Variants in BICRAL observed in about 807,000 individuals in gnomAD.
BICRAL encodes the protein BRD4-interacting chromatin-remodeling complex-associated protein-like.
In BICRAL, 8 loss-of-function variants were observed where a neutral mutation model predicts 91.8. That is an observed-to-expected ratio of 0.09 (90% CI 0.05 to 0.16). The LOEUF is 0.16. Ranked by LOEUF, BICRAL falls within the 10% of genes least tolerant of loss-of-function variation. BICRAL has a pLI of 1.00. For missense variants in BICRAL, 1,038 were observed against 1,310.9 expected (o/e 0.79, Z 3.21); for synonymous variants, 445 against 491.1 (o/e 0.91, Z 1.24).
chr6:42,864,463 G>A (rs978326348), intron 12 of BICRAL, among the ~76,000 whole-genome samples, 196 bp from the exon 13 acceptor site: 1 of 152,176 alleles, frequency 6.6e-6, no homozygotes, highest in Non-Finnish European at 1.5e-5. Context: ...TGAAGCTGGG[G>A]CTCCACAGCC....
intron 5 of BICRAL, among the ~76,000 whole-genome samples, chr6:42,824,268 A>G (rs892006433): frequency 1.6e-4 from 24 of 152,034 alleles, no homozygotes; most frequent in Non-Finnish European, 2.9e-4. Context: ...ATAAATAATA[A>G]AAAGACAAAC....
At chr6:42,846,052 A>C in intron 6 of BICRAL, among the ~76,000 whole-genome samples, 1 of 119,780 alleles carries the variant, frequency 8.3e-6, no homozygotes, top group African/African-American at 3.4e-5. Context: ...ATAGAGTGAG[A>C]CTCCATCTCA....
chr6:42,777,630 C>T (rs568882953), upstream of BICRAL, among the ~76,000 whole-genome samples: 30 of 152,286 alleles, frequency 2.0e-4, no homozygotes, highest in Admixed American at 5.2e-4. Flanking sequence ...CATTTTCATT[C>T]TCCACTTCTG....
chr6:42,804,627 T>C (rs2113905045), intron 1 of BICRAL, among the ~76,000 whole-genome samples: 2 of 152,150 alleles, frequency 1.3e-5, no homozygotes, highest in South Asian at 4.2e-4. Context: ...AACTGATAAG[T>C]TTTGGGGACA....
At position 42,801,992 on chromosome 6, in the gene BICRAL, A is replaced by T. The variant is rs187421107; in HGVS notation, c.-101-8314A>T. Among the ~76,000 whole-genome samples the T allele has an allele frequency of 2.0e-5, 3 of 152,262 alleles. No homozygotes were observed. The East Asian group carries it at 5.8e-4, about 29-fold the overall frequency. Reference sequence around the variant, plus strand: ...ATTTTGTTTAATAAAATATATCATAATGCTGGGCATGGTGACTCATACCTA... The same window carrying T: ...ATTTTGTTTAATAAAATATATCATATTGCTGGGCATGGTGACTCATACCTA... On this transcript the variant is annotated intron_variant, in intron 1 of 12. Transcript: ENST00000314073.
At chr6:42,843,691 G>T (rs925945338) in intron 6 of BICRAL, among the ~76,000 whole-genome samples, 2 of 152,036 alleles carry the variant, frequency 1.3e-5, no homozygotes, top group Non-Finnish European at 2.9e-5. Flanking sequence ...TGTTCGTCAA[G>T]TTTGAGGTAC....
chr6:42,747,296 G>A (rs1484998663), intron 1 of BICRAL, among the ~76,000 whole-genome samples: 1 of 152,130 alleles, frequency 6.6e-6, no homozygotes, highest in East Asian at 1.9e-4. Flanking sequence ...CAGATCTGCG[G>A]AGCTCCCGAA....
chr6:42,832,578 C>CGTGTGTGTGTGT lies in BICRAL; in HGVS notation c.1839+2425_1839+2436dup, dbSNP rs59693040. Among the ~76,000 whole-genome samples, 433 of 142,736 alleles carry CGTGTGTGTGTGT rather than the reference C, an allele frequency of 3.0e-3. 3 individuals carry two copies. Among genetic ancestry groups the CGTGTGTGTGTGT allele is most frequent in the African/African-American group, 8.4e-3 (326 of 38,920 alleles). 93.6% of individuals were successfully genotyped at this position (142,736 alleles called of 152,430 possible). A position where few individuals can be genotyped will look rare whatever the true frequency, so the allele number is the denominator to read the frequency against. ...TTTGGTTTCAAAGATATCAAAGGGG[C>CGTGTGTGTGTGT]GTGTGTGTGTGTGTGTGTGTGTGTG... is the stretch of plus-strand genomic sequence containing the variant. On this transcript the variant is annotated intron_variant, in intron 6 of 12. Coordinates refer to ENST00000314073, the MANE Select transcript of BICRAL (RefSeq NM_001393499.1).
intron 1 of BICRAL, among the ~76,000 whole-genome samples, chr6:42,770,497 C>T (rs893700383): frequency 1.4e-4 from 21 of 151,494 alleles, no homozygotes; most frequent in Non-Finnish European, 2.8e-4. Flanking sequence ...TCACTGCAAC[C>T]TCCACCTCCC....
Position 42,862,501 on chromosome 6 carries a change from C to CT in BICRAL, c.2350-4dup. 1 of 1,574,820 alleles carries CT rather than the reference C, an allele frequency of 6.3e-7. No individual in the cohort carries two copies. Among genetic ancestry groups the CT allele is most frequent in the Non-Finnish European group, 8.7e-7 (1 of 1,146,238 alleles). ...TGTCTATGAAATGACTGGCCTCTCTCTTTTTCAGCGAATCAATCCCTCTGC... is the reference window on the plus strand; with the variant it reads ...TGTCTATGAAATGACTGGCCTCTCTCTTTTTTCAGCGAATCAATCCCTCTGC... On this transcript the variant is annotated splice_polypyrimidine_tract_variant and intron_variant, in intron 11 of 12. Coordinates refer to ENST00000314073, the MANE Select transcript of BICRAL (RefSeq NM_001393499.1).
chr6:42,749,749 TCC>T (rs1480928930), intron 1 of BICRAL, among the ~76,000 whole-genome samples: 1 of 152,046 alleles, frequency 6.6e-6, no homozygotes, highest in Non-Finnish European at 1.5e-5. Flanking sequence ...CCTAGTCACT[TCC>T]CCACCTCTCA....
chr6:42,855,338 C>T (rs757999236), intron 8 of BICRAL, among the ~76,000 whole-genome samples: 10 of 152,132 alleles, frequency 6.6e-5, no homozygotes, highest in East Asian at 5.8e-4. Flanking sequence ...TCCAGGAGTT[C>T]GAGACAAGCC....
chr6:42,769,583 A>T (rs1036859800), intron 1 of BICRAL, among the ~76,000 whole-genome samples: 2 of 152,172 alleles, frequency 1.3e-5, no homozygotes, highest in Non-Finnish European at 2.9e-5. Flanking sequence ...TGGGAGCTAC[A>T]TGACACAGAG....
intron 2 of BICRAL, among the ~76,000 whole-genome samples, chr6:42,818,446 G>T (rs765785872): frequency 6.6e-6 from 1 of 152,088 alleles, no homozygotes; most frequent in African/African-American, 2.4e-5. Flanking sequence ...AGCTCTTTGT[G>T]TATTAGGGAG....
At chr6:42,833,248 G>A (rs1178549829) in intron 6 of BICRAL, among the ~76,000 whole-genome samples, 1 of 151,464 alleles carries the variant, frequency 6.6e-6, no homozygotes, top group Non-Finnish European at 1.5e-5. Flanking sequence ...GTAGAGACGG[G>A]GTTTCACCAT....
chr6:42,830,419 A>T (rs950074511), intron 6 of BICRAL, among the ~76,000 whole-genome samples: 1 of 152,090 alleles, frequency 6.6e-6, no homozygotes, highest in Non-Finnish European at 1.5e-5. Flanking sequence ...TTAAAAAATT[A>T]GCTGAGTGTG....
At chr6:42,758,406 T>A (rs1227859446) in intron 1 of BICRAL, among the ~76,000 whole-genome samples, 1 of 152,206 alleles carries the variant, frequency 6.6e-6, no homozygotes, top group Non-Finnish European at 1.5e-5. Context: ...ACCAGCGCCC[T>A]ACTCCAGCCA....
intron 1 of BICRAL, among the ~76,000 whole-genome samples, chr6:42,805,170 A>G (rs2113905893): frequency 6.6e-6 from 1 of 152,346 alleles, no homozygotes; most frequent in East Asian, 1.9e-4. Flanking sequence ...TCAGATCCAA[A>G]TTAATTTTTG....
intron 6 of BICRAL, among the ~76,000 whole-genome samples, chr6:42,840,559 T>G (rs1764762765): frequency 6.9e-6 from 1 of 144,062 alleles, no homozygotes; most frequent in Non-Finnish European, 1.5e-5. Flanking sequence ...TTTTTTGAGA[T>G]GGAGTCTTGC....
Sources: allele counts gnomAD v4.1 joint callset (sites outside exome capture counted in the v4.1 genomes callset), GRCh38; gene constraint gnomAD v4.1.1; transcripts MANE v1.5; gene names NCBI Gene and HGNC (gene_info 2026-07-23, HGNC 2026-07-21).